The following IL1RAP variants were observed in gnomAD, a reference collection of about 807,000 sequenced individuals.
IL1RAP encodes the protein interleukin 1 receptor accessory protein.
A neutral mutation model predicts 60.7 loss-of-function variants in IL1RAP; 35 were observed. The ratio of observed to expected loss-of-function variants is 0.58; its 90% CI spans 0.44 to 0.76. The LOEUF (loss-of-function observed/expected upper bound fraction) is 0.76. Among genes scored for constraint, IL1RAP ranks in the 30% least tolerant of loss-of-function variants. IL1RAP has a pLI of 0.00. For synonymous variants in IL1RAP, 268 were observed against 250.9 expected, an observed-to-expected ratio of 1.07 and a Z score of -0.64; for missense variants, 572 against 693.9, an observed-to-expected ratio of 0.82 and a Z score of 1.97.
At chr3:190,531,263 T>C (rs992438250) in intron 1 of IL1RAP, among the ~76,000 whole-genome samples, 1 of 152,008 alleles carries the variant, frequency 6.6e-6, no homozygotes, top group African/African-American at 2.4e-5. Context: ...ACAATAATAA[T>C]AATAATTAAA....
intron 11 of IL1RAP, 77 bp from the exon 12 acceptor site, chr3:190,648,261 A>G: frequency 1.3e-6 from 2 of 1,514,240 alleles, no homozygotes; most frequent in South Asian, 2.7e-5. Context: ...TAAGTTCCCT[A>G]CATTTGCTCC....
At chr3:190,608,617 T>C (rs1253872718) in intron 4 of IL1RAP, among the ~76,000 whole-genome samples, 1 of 152,090 alleles carries the variant, frequency 6.6e-6, no homozygotes, top group African/African-American at 2.4e-5. Flanking sequence ...ACAATGACGA[T>C]TACATCAATA....
intron 8 of IL1RAP, among the ~76,000 whole-genome samples, 153 bp from the exon 9 acceptor site, chr3:190,629,197 T>C (rs1282555639): frequency 6.6e-6 from 1 of 152,224 alleles, no homozygotes; most frequent in Non-Finnish European, 1.5e-5. Flanking sequence ...ATTAATACTT[T>C]GTAATCACTG....
chr3:190,602,791 C>T (rs947216466), intron 3 of IL1RAP, among the ~76,000 whole-genome samples: 5 of 151,940 alleles, frequency 3.3e-5, no homozygotes, highest in South Asian at 2.1e-4. Flanking sequence ...TCAATGGAAA[C>T]GTAGGGAAGA....
chr3:190,648,274 A>G (rs1032257763), intron 11 of IL1RAP, 64 bp from the exon 12 acceptor site: 1 of 1,521,520 alleles, frequency 6.6e-7, no homozygotes, highest in Non-Finnish European at 8.8e-7. Flanking sequence ...TTTGCTCCTC[A>G]AGCCTCAATG....
chr3:190,561,210 A>G (rs1381288905), intron 2 of IL1RAP, among the ~76,000 whole-genome samples: 1 of 152,116 alleles, frequency 6.6e-6, no homozygotes, highest in East Asian at 1.9e-4. Context: ...GCAACAACCA[A>G]AAGTGTATTA....
At chr3:190,599,357 T>C (rs1349873688) in intron 3 of IL1RAP, among the ~76,000 whole-genome samples, 1 of 152,188 alleles carries the variant, frequency 6.6e-6, no homozygotes, top group Non-Finnish European at 1.5e-5. Flanking sequence ...TCACACTTGA[T>C]TGTTTTATTA....
intron 3 of IL1RAP, among the ~76,000 whole-genome samples, chr3:190,578,552 T>C (rs564254739): frequency 8.5e-5 from 13 of 152,354 alleles, no homozygotes; most frequent in African/African-American, 2.9e-4. Flanking sequence ...TTTGTTAGCA[T>C]GTTGTGTCAA....
intron 3 of IL1RAP, among the ~76,000 whole-genome samples, chr3:190,586,399 C>T (rs1447931024): frequency 6.6e-6 from 1 of 152,154 alleles, no homozygotes; most frequent in African/African-American, 2.4e-5. Context: ...GTTCACCTTG[C>T]TTTGTGACCC....
intron 5 of IL1RAP, among the ~76,000 whole-genome samples, chr3:190,618,733 A>G (rs1731501108): frequency 1.3e-5 from 2 of 152,254 alleles, no homozygotes; most frequent in African/African-American, 2.4e-5. Flanking sequence ...CCTTTGTGAT[A>G]TCCTAAGGAT....
At position 190,553,485 on chromosome 3, in the gene IL1RAP, C is replaced by T. The variant is rs182862194; in HGVS notation, c.-88-2645C>T. Among the ~76,000 whole-genome samples, 320 of 152,190 alleles carry T rather than the reference C, an allele frequency of 2.1e-3. 1 individual carries two copies. The highest frequency in any genetic ancestry group is 7.3e-3 in the African/African-American group (302 of 41,522). ...AGAACCTCTTATTCTTATGCAAATG[C>T]GTTCCTCCACCGGGGAGAGAAACTT... On this transcript the variant is annotated intron_variant, in intron 1 of 11. Coordinates refer to ENST00000447382, the MANE Select transcript of IL1RAP (RefSeq NM_002182.4).
intron 3 of IL1RAP, among the ~76,000 whole-genome samples, chr3:190,571,445 G>A (rs941543837): frequency 6.6e-6 from 1 of 152,064 alleles, no homozygotes; most frequent in African/African-American, 2.4e-5. Context: ...GAGACTGGCC[G>A]GTAAAGGCTA....
At chr3:190,566,168 ACACT>A (rs1726378369) in intron 3 of IL1RAP, among the ~76,000 whole-genome samples, 1 of 152,056 alleles carries the variant, frequency 6.6e-6, no homozygotes, top group Admixed American at 6.6e-5. Context: ...TGTTATCCAA[ACACT>A]CAGAATAATA....
intron 10 of IL1RAP, 68 bp downstream of exon 10, chr3:190,644,465 G>A: frequency 1.2e-5 from 15 of 1,227,380 alleles, no homozygotes; most frequent in East Asian, 4.9e-5. Context: ...GTAAAAAAAA[G>A]AAAAAAGAAA....
chr3:190,564,430 A>G, intron 3 of IL1RAP, 77 bp downstream of exon 3: 3 of 893,156 alleles, frequency 3.4e-6, no homozygotes, highest in Non-Finnish European at 5.7e-6. Context: ...CCTGAAAATG[A>G]ATTTAAATAA....
At chr3:190,632,248 T>G (rs1407818669) in intron 9 of IL1RAP, among the ~76,000 whole-genome samples, 1 of 152,238 alleles carries the variant, frequency 6.6e-6, no homozygotes, top group African/African-American at 2.4e-5. Context: ...CTCTATTTCC[T>G]CACCAATTTT....
intron 2 of IL1RAP, among the ~76,000 whole-genome samples, chr3:190,560,307 G>T (rs1725775061): frequency 6.6e-6 from 1 of 152,228 alleles, no homozygotes; most frequent in Non-Finnish European, 1.5e-5. Flanking sequence ...GCCTTCTGGG[G>T]TGTATTCCTT....
rs561378665 is a variant in IL1RAP at position 190,620,839 on chromosome 3, C to T, written c.703+399C>T. 2.0e-5 allele frequency among the ~76,000 whole-genome samples: 3 copies of T among 152,256 alleles called. No individual in the cohort carries two copies. The South Asian group carries it at 6.2e-4, about 32-fold the overall frequency. On this transcript the variant is annotated intron_variant, in intron 6 of 11. Coordinates refer to ENST00000447382, the MANE Select transcript of IL1RAP (RefSeq NM_002182.4). The stretch of plus-strand genomic sequence containing the variant: ...TTGTATTAATGCAGTTTCAGGCAAG[C>T]AATAGAGACTCAGTGCAACACTTTT...
chr3:190,628,784 G>C (rs1040152175), intron 8 of IL1RAP, among the ~76,000 whole-genome samples: 2 of 152,126 alleles, frequency 1.3e-5, no homozygotes, highest in Non-Finnish European at 2.9e-5. Context: ...ATTCCTATGG[G>C]ATAACAGTAA....
Sources: allele counts gnomAD v4.1 joint callset (sites outside exome capture counted in the v4.1 genomes callset), GRCh38; gene constraint gnomAD v4.1.1; transcripts MANE v1.5; gene names NCBI Gene and HGNC (gene_info 2026-07-23, HGNC 2026-07-21).